The following SGCZ variants were observed in gnomAD, a reference collection of about 807,000 sequenced individuals.
SGCZ encodes zeta-sarcoglycan.
Under a neutral mutation model 41.3 loss-of-function variants are expected in SGCZ, and 40 were observed. The ratio of observed to expected loss-of-function variants is 0.97; its 90% CI spans 0.75 to 1.26. The LOEUF (loss-of-function observed/expected upper bound fraction) is 1.26, where lower values mean the gene tolerates loss of function less well. SGCZ is among the 50% of genes most tolerant of loss of function. The pLI is 0.00. For synonymous variants in SGCZ, 206 were observed against 137.5 expected (o/e 1.50, Z -3.49); for missense variants, 552 against 369.8 (o/e 1.49, Z -4.04).
At chr8:14,247,407 C>G (rs1288853384) in intron 3 of SGCZ, among the ~76,000 whole-genome samples, 1 of 152,154 alleles carries the variant, frequency 6.6e-6, no homozygotes, top group Non-Finnish European at 1.5e-5. Context: ...CAGTTTTACA[C>G]ATGACAGTCC....
intron 1 of SGCZ, among the ~76,000 whole-genome samples, chr8:14,885,165 G>A (rs143945806): frequency 2.0e-5 from 3 of 152,182 alleles, no homozygotes; most frequent in East Asian, 1.9e-4. Context: ...TATCACATAC[G>A]AATCTCTATT....
intron 2 of SGCZ, among the ~76,000 whole-genome samples, chr8:14,447,664 G>T (rs781087527): frequency 6.6e-6 from 1 of 152,062 alleles, no homozygotes; most frequent in Non-Finnish European, 1.5e-5. Flanking sequence ...CACAATGAAG[G>T]ATGAATTAGA....
chr8:14,329,796 T>C (rs913385015), intron 2 of SGCZ, among the ~76,000 whole-genome samples: 2 of 152,194 alleles, frequency 1.3e-5, no homozygotes, highest in African/African-American at 4.8e-5. Flanking sequence ...CCTCCAATCC[T>C]GTTTGTTTTT....
intron 2 of SGCZ, among the ~76,000 whole-genome samples, chr8:14,436,661 TTC>T (rs1800102913): frequency 6.6e-6 from 1 of 152,216 alleles, no homozygotes; most frequent in African/African-American, 2.4e-5. Context: ...GATGAAGTGT[TTC>T]TCTTTAGACT....
chr8:14,806,092 G>A (rs1187493987), intron 1 of SGCZ, among the ~76,000 whole-genome samples: 4 of 151,730 alleles, frequency 2.6e-5, no homozygotes, highest in South Asian at 4.2e-4. Context: ...TGTGTAGAGG[G>A]AAATTTATAG....
In SGCZ at chr8:14,659,246, A is replaced by G. The variant is rs2053490; in HGVS notation, c.40-104320T>C. Among the ~76,000 whole-genome samples the G allele has an allele frequency of 5.1e-3, 776 of 152,236 alleles. 5 individuals carry two copies. Among genetic ancestry groups the G allele is most frequent in the African/African-American group, 0.018 (748 of 41,538 alleles). Reference sequence around the variant, plus strand: ...TTCAAGACAGAAGATTTTGAGTGTCATCACCGCCAGAGATGATAAATGCTT... The same window carrying G: ...TTCAAGACAGAAGATTTTGAGTGTCGTCACCGCCAGAGATGATAAATGCTT... On this transcript the variant is annotated intron_variant, in intron 1 of 7. Transcript: ENST00000382080.
rs117217790 is a variant in SGCZ at position 14,697,079 on chromosome 8, G to C, written c.40-142153C>G. ...ATCCAATATTCTATAGCCAGCAACAGAGATTAAAATCCAGAAAAACACCCC... is the reference window on the plus strand; with the variant it reads ...ATCCAATATTCTATAGCCAGCAACACAGATTAAAATCCAGAAAAACACCCC... On this transcript the variant is annotated intron_variant, in intron 1 of 7. Coordinates refer to ENST00000382080, the MANE Select transcript of SGCZ (RefSeq NM_139167.4). Among the ~76,000 whole-genome samples, 633 of 152,076 alleles carry C rather than the reference G, an allele frequency of 4.2e-3. 8 individuals are homozygous for C. The highest frequency in any genetic ancestry group is 0.027 in the Middle Eastern group (8 of 294).
rs1801519389 is a variant in SGCZ at position 14,086,244 on chromosome 8, A to G, written c.*4199T>C. ...TGAGGATTTTATAGAAAATTTGGCTATTAAATACTTTCAATGATTTTAATA... is the reference window on the plus strand; with the variant it reads ...TGAGGATTTTATAGAAAATTTGGCTGTTAAATACTTTCAATGATTTTAATA... On this transcript the variant is annotated 3_prime_UTR_variant, in exon 8 of 8. Transcript: ENST00000382080. 6.6e-6 allele frequency among the ~76,000 whole-genome samples: 1 copy of G among 151,722 alleles called. No individual in the cohort carries two copies. Among genetic ancestry groups the G allele is most frequent in the Admixed American group, 6.6e-5 (1 of 15,172 alleles).
intron 1 of SGCZ, among the ~76,000 whole-genome samples, chr8:14,921,047 C>T (rs797002452): frequency 6.6e-6 from 1 of 152,110 alleles, no homozygotes; most frequent in South Asian, 2.1e-4. Flanking sequence ...GTAAAAAGGT[C>T]CAACCCTTTT....
intron 2 of SGCZ, among the ~76,000 whole-genome samples, chr8:14,431,042 G>C (rs1799929193): frequency 6.6e-6 from 1 of 152,014 alleles, no homozygotes; most frequent in Non-Finnish European, 1.5e-5. Flanking sequence ...AGACATCATA[G>C]ATGTCACAAA....
intron 1 of SGCZ, among the ~76,000 whole-genome samples, chr8:15,195,832 C>T (rs1215163583): frequency 1.3e-5 from 2 of 151,460 alleles, no homozygotes; most frequent in Non-Finnish European, 2.9e-5. Flanking sequence ...AGACTTAACA[C>T]AAGCTAATAG....
chr8:15,000,200 A>G (rs80046035), intron 1 of SGCZ, among the ~76,000 whole-genome samples: 3,299 of 152,142 alleles, frequency 0.022, 134 homozygotes, highest in African/African-American at 0.075. Context: ...CCTGTAGGAA[A>G]CCAACCCTGC....
chr8:14,936,007 G>C (rs76337250), intron 1 of SGCZ, among the ~76,000 whole-genome samples: 1 of 151,786 alleles, frequency 6.6e-6, no homozygotes, highest in African/African-American at 2.4e-5. Flanking sequence ...GCGATTAAAT[G>C]ATCGATTCAC....
chr8:15,156,935 ACT>A (rs1176948306), intron 1 of SGCZ, among the ~76,000 whole-genome samples: 3 of 145,602 alleles, frequency 2.1e-5, no homozygotes, highest in Non-Finnish European at 4.5e-5. Flanking sequence ...CAAGAGGGAA[ACT>A]CTGTCTCAAA....
intron 1 of SGCZ, among the ~76,000 whole-genome samples, chr8:15,218,221 A>G (rs1473336564): frequency 1.3e-5 from 2 of 152,186 alleles, no homozygotes; most frequent in African/African-American, 4.8e-5. Flanking sequence ...TATCTCAAAG[A>G]ATCAACATTT....
chr8:14,919,677 G>A (rs910106488), intron 1 of SGCZ, among the ~76,000 whole-genome samples: 3 of 152,128 alleles, frequency 2.0e-5, no homozygotes, highest in Non-Finnish European at 4.4e-5. Flanking sequence ...CAGCACTTTG[G>A]GAGGACGAGG....
intron 5 of SGCZ, among the ~76,000 whole-genome samples, chr8:14,120,911 T>C (rs1802677502): frequency 6.6e-6 from 1 of 152,140 alleles, no homozygotes; most frequent in Non-Finnish European, 1.5e-5. Flanking sequence ...GATAGTTTCA[T>C]GGAACTGGAC....
Position 14,496,875 on chromosome 8 carries a change from T to A in SGCZ, c.234+57857A>T, listed in dbSNP as rs1199720376. On this transcript the variant is annotated intron_variant, in intron 2 of 7. Transcript: ENST00000382080. Reference sequence around the variant, plus strand: ...TTCTTAAAGAGTATTATGATATACATCTATTTTATTTCTAATTTTTTTCAC... The same window carrying A: ...TTCTTAAAGAGTATTATGATATACAACTATTTTATTTCTAATTTTTTTCAC... 9.2e-5 allele frequency among the ~76,000 whole-genome samples: 14 copies of A among 152,278 alleles called. No homozygotes were observed. In the South Asian group the frequency reaches 2.1e-3, roughly 23 times the overall value.
chr8:14,112,288 G>GC (rs1477282607), intron 5 of SGCZ, among the ~76,000 whole-genome samples: 3 of 140,686 alleles, frequency 2.1e-5, no homozygotes, highest in Non-Finnish European at 3.1e-5. Flanking sequence ...TTTTGTGGGG[G>GC]GGGGGTGCAA....
Sources: gnomAD v4.1 joint callset for allele counts (sites outside exome capture counted in the v4.1 genomes callset) on GRCh38, gnomAD v4.1.1 for gene constraint, MANE v1.5 for transcripts, NCBI Gene and HGNC (gene_info 2026-07-23, HGNC 2026-07-21) for gene names.